The following LRRC1 variants were observed in gnomAD, a reference collection of about 807,000 sequenced individuals.
LRRC1 encodes leucine-rich repeat-containing protein 1.
Under a neutral mutation model 69.9 loss-of-function variants are expected in LRRC1, and 28 were observed. That is an observed-to-expected ratio of 0.40 (90% CI 0.30 to 0.55). The LOEUF is 0.55. LRRC1 is among the 20% of genes least tolerant of loss of function. LRRC1 has a pLI of 0.47. For synonymous variants in LRRC1, 236 were observed against 240.2 expected, an observed-to-expected ratio of 0.98 and a Z score of 0.16; for missense variants, 498 against 609.0, an observed-to-expected ratio of 0.82 and a Z score of 1.92.
At chr6:53,909,545 T>C (rs147191347) in intron 10 of LRRC1, among the ~76,000 whole-genome samples, 206 of 152,278 alleles carry the variant, frequency 1.4e-3, no homozygotes, top group Non-Finnish European at 2.1e-3. Context: ...TTCATTGTGC[T>C]TTCCTGTGCA....
At chr6:53,840,498 G>A (rs1765747567) in intron 1 of LRRC1, among the ~76,000 whole-genome samples, 1 of 151,696 alleles carries the variant, frequency 6.6e-6, no homozygotes, top group South Asian at 2.1e-4. Flanking sequence ...CGCATGGTGG[G>A]CCCTCTCAAA....
intron 4 of LRRC1, among the ~76,000 whole-genome samples, chr6:53,894,954 T>C (rs1238759225): frequency 6.6e-6 from 1 of 151,062 alleles, no homozygotes; most frequent in Non-Finnish European, 1.5e-5. Context: ...TTTTTTGAGA[T>C]GGAGTCTCGC....
At chr6:53,813,165 C>A (rs1470582583) in intron 1 of LRRC1, among the ~76,000 whole-genome samples, 2 of 151,926 alleles carry the variant, frequency 1.3e-5, no homozygotes, top group Non-Finnish European at 2.9e-5. Context: ...GGATTGTGGC[C>A]ATGGGAGAGG....
At chr6:53,894,312 C>T (rs1465871848) in intron 4 of LRRC1, among the ~76,000 whole-genome samples, 1 of 152,178 alleles carries the variant, frequency 6.6e-6, no homozygotes, top group Non-Finnish European at 1.5e-5. Context: ...CCCTGCACAG[C>T]TCCTTCTGCC....
intron 2 of LRRC1, among the ~76,000 whole-genome samples, chr6:53,847,105 A>G (rs1013341684): frequency 1.3e-4 from 20 of 152,284 alleles, no homozygotes; most frequent in Middle Eastern, 6.8e-3. Flanking sequence ...GCAATTTTAA[A>G]TTTTGAGTCA....
intron 2 of LRRC1, among the ~76,000 whole-genome samples, chr6:53,857,085 G>C (rs921208695): frequency 4.6e-5 from 7 of 152,146 alleles, no homozygotes; most frequent in Admixed American, 1.3e-4. Flanking sequence ...AGATGGAGCT[G>C]TTCAGTAGGC....
chr6:53,904,318 T>C (rs1768163759), intron 9 of LRRC1, 61 bp from the exon 10 acceptor site: 2 of 1,004,074 alleles, frequency 2.0e-6, no homozygotes, highest in Non-Finnish European at 3.1e-6. Context: ...AAAGATCTTA[T>C]TTACTGTGAG....
chr6:53,913,849 C>T lies in LRRC1; in HGVS notation c.991-5C>T. Reference sequence around the variant, plus strand: ...AAAAAAGATGTATTTTCTTTCTCACCATAGATCGGCGGGTGCTGCAGCCTC... The same window carrying T: ...AAAAAAGATGTATTTTCTTTCTCACTATAGATCGGCGGGTGCTGCAGCCTC... On this transcript the variant is annotated splice_region_variant and splice_polypyrimidine_tract_variant and intron_variant, in intron 10 of 13. Coordinates refer to ENST00000370888, the MANE Select transcript of LRRC1 (RefSeq NM_018214.5). 5 of 1,590,350 alleles carry T rather than the reference C, an allele frequency of 3.1e-6. No individual in the cohort carries two copies. The highest frequency in any genetic ancestry group is 4.3e-6 in the Non-Finnish European group (5 of 1,160,804).
intron 2 of LRRC1, among the ~76,000 whole-genome samples, chr6:53,845,336 A>AT (rs1765910006): frequency 6.6e-6 from 1 of 152,150 alleles, no homozygotes; most frequent in Non-Finnish European, 1.5e-5. Flanking sequence ...GCTTCCACTC[A>AT]TTTTTTGGAC....
intron 1 of LRRC1, among the ~76,000 whole-genome samples, chr6:53,841,130 G>A (rs1765774826): frequency 6.6e-6 from 1 of 152,210 alleles, no homozygotes; most frequent in African/African-American, 2.4e-5. Context: ...CTTTGTCTCA[G>A]TCCCCTGTTT....
chr6:53,853,860 C>G (rs1340742617), intron 2 of LRRC1, among the ~76,000 whole-genome samples: 6 of 152,210 alleles, frequency 3.9e-5, no homozygotes, highest in Non-Finnish European at 8.8e-5. Context: ...CTTTGTCCAT[C>G]TCTGATTACT....
chr6:53,812,089 T>TAAA (rs1764808619), intron 1 of LRRC1, among the ~76,000 whole-genome samples: 1 of 152,208 alleles, frequency 6.6e-6, no homozygotes, highest in Non-Finnish European at 1.5e-5. Flanking sequence ...GCATGGGGTT[T>TAAA]AAGAAGAAGG....
intron 4 of LRRC1, among the ~76,000 whole-genome samples, 192 bp from the exon 5 acceptor site, chr6:53,896,306 A>G (rs1300379447): frequency 6.6e-6 from 1 of 152,116 alleles, no homozygotes; most frequent in African/African-American, 2.4e-5. Context: ...TAAGATTACA[A>G]TTTGAGAGGT....
At chr6:53,834,868 A>C (rs896010483) in intron 1 of LRRC1, among the ~76,000 whole-genome samples, 1 of 152,220 alleles carries the variant, frequency 6.6e-6, no homozygotes, top group African/African-American at 2.4e-5. Context: ...ACGCTGAGGC[A>C]GGAGAATGGT....
At chr6:53,820,818 A>G (rs1361828497) in intron 1 of LRRC1, among the ~76,000 whole-genome samples, 2 of 152,194 alleles carry the variant, frequency 1.3e-5, no homozygotes, top group African/African-American at 4.8e-5. Flanking sequence ...TAGTAAAATT[A>G]AAACTTAGTA....
At chr6:53,895,063 G>A (rs1051674989) in intron 4 of LRRC1, among the ~76,000 whole-genome samples, 6 of 151,888 alleles carry the variant, frequency 4.0e-5, no homozygotes, top group Non-Finnish European at 5.9e-5. Flanking sequence ...GACTACAGGC[G>A]CCCGCCACCA....
chr6:53,846,435 G>A (rs1167839200), intron 2 of LRRC1, among the ~76,000 whole-genome samples: 1 of 152,184 alleles, frequency 6.6e-6, no homozygotes, highest in Non-Finnish European at 1.5e-5. Context: ...TCGGAGCCCT[G>A]GCTCTGCTGT....
intron 2 of LRRC1, among the ~76,000 whole-genome samples, chr6:53,852,802 A>G (rs1009925458): frequency 6.6e-6 from 1 of 152,236 alleles, no homozygotes; most frequent in African/African-American, 2.4e-5. Context: ...AAAAACCCAT[A>G]AAACTACTAG....
chr6:53,814,793 T>C (rs1367605399), intron 1 of LRRC1, among the ~76,000 whole-genome samples: 1 of 152,208 alleles, frequency 6.6e-6, no homozygotes, highest in African/African-American at 2.4e-5. Context: ...AAGATAGACT[T>C]TGAAACCTGC....
Sources: gnomAD v4.1 joint callset for allele counts (sites outside exome capture counted in the v4.1 genomes callset) on GRCh38, gnomAD v4.1.1 for gene constraint, MANE v1.5 for transcripts, NCBI Gene and HGNC (gene_info 2026-07-23, HGNC 2026-07-21) for gene names.